Variants in FHIT observed in about 807,000 individuals in gnomAD.
The protein encoded by FHIT is bis(5'-adenosyl)-triphosphatase.
A neutral mutation model predicts 17.9 loss-of-function variants in FHIT; 19 were observed. That is an observed-to-expected ratio of 1.06 (90% CI 0.74 to 1.56). The LOEUF (loss-of-function observed/expected upper bound fraction) is 1.56. FHIT is among the 40% of genes most tolerant of loss of function. The pLI is 0.00. For missense variants in FHIT, 248 were observed against 189.2 expected, an observed-to-expected ratio of 1.31 and a Z score of -1.82; for synonymous variants, 81 against 69.7, an observed-to-expected ratio of 1.16 and a Z score of -0.81.
intron 3 of FHIT, among the ~76,000 whole-genome samples, chr3:60,934,666 G>A (rs558554170): frequency 6.6e-6 from 1 of 152,270 alleles, no homozygotes; most frequent in East Asian, 1.9e-4. Context: ...AATCTCAAAG[G>A]AGTATCCTAC....
intron 8 of FHIT, among the ~76,000 whole-genome samples, chr3:59,755,235 C>T (rs1242905304): frequency 6.6e-6 from 1 of 152,190 alleles, no homozygotes; most frequent in African/African-American, 2.4e-5. Flanking sequence ...GCCTACAAGG[C>T]TTGTCTTAGC....
At chr3:60,991,952 C>T (rs1027558719) in intron 3 of FHIT, among the ~76,000 whole-genome samples, 3 of 151,994 alleles carry the variant, frequency 2.0e-5, no homozygotes, top group Non-Finnish European at 2.9e-5. Flanking sequence ...TGCTCCAGGC[C>T]CTTGGACAAA....
chr3:61,147,454 GAGTC>G (rs1026265096), intron 2 of FHIT, among the ~76,000 whole-genome samples: 1 of 151,936 alleles, frequency 6.6e-6, no homozygotes, highest in African/African-American at 2.4e-5. Flanking sequence ...ACTATAAGGT[GAGTC>G]AGAGTGCCAA....
intron 5 of FHIT, among the ~76,000 whole-genome samples, chr3:60,494,307 G>A (rs1237227428): frequency 6.6e-6 from 1 of 152,048 alleles, no homozygotes. Context: ...CACATAATAT[G>A]CGACTTTTAG....
At chr3:60,757,159 T>C (rs1332591204) in intron 4 of FHIT, among the ~76,000 whole-genome samples, 1 of 147,622 alleles carries the variant, frequency 6.8e-6, no homozygotes, top group Non-Finnish European at 1.5e-5. Flanking sequence ...GAAATTTAGA[T>C]ACATTGGAGA....
At chr3:60,363,175 C>G (rs1040733761) in intron 5 of FHIT, among the ~76,000 whole-genome samples, 1 of 152,088 alleles carries the variant, frequency 6.6e-6, no homozygotes, top group African/African-American at 2.4e-5. Flanking sequence ...TCTCTAAATT[C>G]GTGGTGCTCC....
chr3:60,948,961 G>A (rs1320837277), intron 3 of FHIT, among the ~76,000 whole-genome samples: 2 of 151,764 alleles, frequency 1.3e-5, no homozygotes, highest in African/African-American at 4.8e-5. Context: ...AGAAAGCAGG[G>A]CATAAAATAT....
intron 5 of FHIT, among the ~76,000 whole-genome samples, chr3:60,320,858 A>G (rs1288480452): frequency 6.6e-6 from 1 of 152,172 alleles, no homozygotes; most frequent in South Asian, 2.1e-4. Flanking sequence ...TAATATTTTT[A>G]TATCAGCAAA....
chr3:61,198,131 A>G (rs1391424206), intron 2 of FHIT, among the ~76,000 whole-genome samples: 1 of 152,064 alleles, frequency 6.6e-6, no homozygotes, highest in Non-Finnish European at 1.5e-5. Context: ...AGACTATACT[A>G]TCAATGAGGG....
intron 5 of FHIT, among the ~76,000 whole-genome samples, chr3:60,385,705 G>C (rs1272610073): frequency 6.6e-6 from 1 of 152,018 alleles, no homozygotes; most frequent in East Asian, 1.9e-4. Flanking sequence ...TCATCTACCT[G>C]AGTAGCTGGG....
At chr3:60,553,898 C>A (rs1414273510) in intron 4 of FHIT, among the ~76,000 whole-genome samples, 1 of 151,914 alleles carries the variant, frequency 6.6e-6, no homozygotes, top group African/African-American at 2.4e-5. Flanking sequence ...CCAGCCTGGC[C>A]AACACTGCAA....
At chr3:60,121,712 AC>A (rs1407505909) in intron 5 of FHIT, among the ~76,000 whole-genome samples, 961 of 24,972 alleles carry the variant, frequency 0.038, 15 homozygotes, top group African/African-American at 0.077. Flanking sequence ...CAAAACAAAC[AC>A]ACACACACAC....
intron 4 of FHIT, among the ~76,000 whole-genome samples, chr3:60,638,838 T>C (rs1296448735): frequency 1.3e-5 from 2 of 151,580 alleles, no homozygotes; most frequent in Non-Finnish European, 2.9e-5. Context: ...GTGAATGGCA[T>C]ATCTTCTCAA....
chr3:59,772,919 A>G (rs540147948), intron 8 of FHIT, among the ~76,000 whole-genome samples: 11 of 152,246 alleles, frequency 7.2e-5, no homozygotes, highest in Admixed American at 4.6e-4. Context: ...GCTCATTCAC[A>G]TGTACTTACT....
intron 8 of FHIT, among the ~76,000 whole-genome samples, chr3:59,881,852 C>G (rs1703423562): frequency 6.6e-6 from 1 of 152,108 alleles, no homozygotes; most frequent in Middle Eastern, 3.2e-3. Flanking sequence ...TAAGATAAAC[C>G]TGTCCCCATA....
intron 5 of FHIT, among the ~76,000 whole-genome samples, chr3:60,269,930 C>T (rs373178935): frequency 6.6e-6 from 1 of 152,176 alleles, no homozygotes; most frequent in Non-Finnish European, 1.5e-5. Flanking sequence ...GTTATAAACT[C>T]ATGGGTTGGT....
chr3:60,579,832 A>G (rs1482218384), intron 4 of FHIT, among the ~76,000 whole-genome samples: 1 of 152,110 alleles, frequency 6.6e-6, no homozygotes, highest in African/African-American at 2.4e-5. Flanking sequence ...CGAGGTTTCT[A>G]GCAAATTAAC....
chr3:60,873,969 T>C (rs1375622673), intron 3 of FHIT, among the ~76,000 whole-genome samples: 2 of 152,098 alleles, frequency 1.3e-5, no homozygotes, highest in Admixed American at 6.6e-5. Context: ...AAAAATAAAA[T>C]ATCACTATTT....
chr3:59,867,962 G>A lies in FHIT; in HGVS notation c.348+54384C>T, dbSNP rs1455146723. ...TACACAGAGCTGGTGACAGTCTTGA[G>A]GCTAAAACCCAACGTTTTACTCTTA... On this transcript the variant is annotated intron_variant, in intron 8 of 9. Transcript: ENST00000492590. 5.4e-5 allele frequency among the ~76,000 whole-genome samples: 8 copies of A among 149,146 alleles called. 1 individual carries two copies. The highest frequency in any genetic ancestry group is 4.7e-4 in the Admixed American group (7 of 14,904).
Sources: gnomAD v4.1 joint callset for allele counts (sites outside exome capture counted in the v4.1 genomes callset) on GRCh38, gnomAD v4.1.1 for gene constraint, MANE v1.5 for transcripts, NCBI Gene and HGNC (gene_info 2026-07-23, HGNC 2026-07-21) for gene names.